CSE1L: variants seen among roughly 807,000 people sequenced by gnomAD.
The protein encoded by CSE1L is exportin-2.
Under a neutral mutation model 120.4 loss-of-function variants are expected in CSE1L, and 24 were observed. The ratio of observed to expected loss-of-function variants is 0.20; its 90% CI spans 0.14 to 0.28. The LOEUF (loss-of-function observed/expected upper bound fraction) is 0.28, where lower values mean the gene tolerates loss of function less well. CSE1L is among the 10% of genes least tolerant of loss of function. CSE1L has a pLI of 1.00. For missense variants in CSE1L, 830 were observed against 1,145.2 expected, an observed-to-expected ratio of 0.72 and a Z score of 3.97; for synonymous variants, 402 against 398.3, an observed-to-expected ratio of 1.01 and a Z score of -0.11.
At chr20:49,088,331 A>G (rs550912203) in intron 17 of CSE1L, among the ~76,000 whole-genome samples, 6 of 152,348 alleles carry the variant, frequency 3.9e-5, no homozygotes, top group Non-Finnish European at 7.3e-5. Flanking sequence ...TTTCATTCTC[A>G]TTACAAAAGT....
At chr20:49,085,562 ATTTTTTTTTTT>A (rs11471947) in intron 16 of CSE1L, among the ~76,000 whole-genome samples, 176 bp downstream of exon 16, 2 of 80,202 alleles carry the variant, frequency 2.5e-5, no homozygotes, top group Non-Finnish European at 4.8e-5. Flanking sequence ...ACTAACAATA[ATTTTTTTTTTT>A]TTTTTTTTTT....
chr20:49,094,679 A>C lies in CSE1L; in HGVS notation c.2595-53A>C. 3.9e-6 allele frequency: 5 copies of C among 1,276,102 alleles called. No individual in the cohort carries two copies. In the South Asian group the frequency reaches 6.2e-5, roughly 16 times the overall value. The allele number at this position is 1,276,102 out of a possible 1,614,324, so 79.0% of individuals were successfully genotyped here. A position where few individuals can be genotyped will look rare whatever the true frequency, so the allele number is the denominator to read the frequency against. On this transcript the variant is annotated intron_variant, in intron 23 of 24. Transcript: ENST00000262982. ...TGTCTCTGAGCAATTGCTGGTTTTA[A>C]GTCTTCCGAGTATTTTCTTGACCTT... is the stretch of plus-strand genomic sequence containing the variant.
chr20:49,094,689 G>A (rs746210594), intron 23 of CSE1L, 43 bp from the exon 24 acceptor site: 1 of 1,382,040 alleles, frequency 7.2e-7, no homozygotes, highest in South Asian at 1.2e-5. Flanking sequence ...AGTCTTCCGA[G>A]TATTTTCTTG....
intron 14 of CSE1L, among the ~76,000 whole-genome samples, chr20:49,080,449 A>G (rs2092003085): frequency 6.6e-6 from 1 of 152,010 alleles, no homozygotes; most frequent in African/African-American, 2.4e-5. Flanking sequence ...TACATTGTCA[A>G]CATTTTTTAA....
At chr20:49,061,909 T>C (rs1443952022) in intron 2 of CSE1L, among the ~76,000 whole-genome samples, 1 of 152,132 alleles carries the variant, frequency 6.6e-6, no homozygotes, top group Non-Finnish European at 1.5e-5. Context: ...GAACATAGCA[T>C]TTCTCAGGGA....
In CSE1L at chr20:49,058,543, G is replaced by T; in HGVS notation, c.80G>T (p.Arg27Leu). 1 of 1,612,636 alleles carries T rather than the reference G, an allele frequency of 6.2e-7. No homozygotes were observed. The highest frequency in any genetic ancestry group is 8.5e-7 in the Non-Finnish European group (1 of 1,179,082). Residue 27 changes from arginine to leucine, a missense_variant, in exon 2 of 25, where the codon CGT becomes CTT. By Grantham distance (102) the Arg-to-Leu change is moderately radical. Around this residue, in one of 4 missense-constraint regions of CSE1L, gnomAD observed 543 missense variants for 640.2 expected, o/e 0.85. Coordinates refer to ENST00000262982, the MANE Select transcript of CSE1L (RefSeq NM_001316.4). ...CTTGATCCTGATCCTGCCATCCGAC[G>T]TCCAGGTAAAGAAAATAAACGTTTT... ...KTLDPDPAIR[R>L]PAEKFLESVE...
rs781669566 is a variant in CSE1L at position 49,096,326 on chromosome 20, T to C, written c.2827-23T>C. 5.0e-6 allele frequency: 8 copies of C among 1,584,964 alleles called. No individual in the cohort carries two copies. In the South Asian group the frequency reaches 7.7e-5, roughly 15 times the overall value. ...GCGCACCAAGATCTCCAACAGCCAG[T>C]GTGTGTTTCCCATCTCTTGTAGGTT... On this transcript the variant is annotated intron_variant, in intron 24 of 24. Transcript: ENST00000262982.
intron 10 of CSE1L, among the ~76,000 whole-genome samples, chr20:49,072,919 A>G (rs1316769576): frequency 1.3e-5 from 2 of 152,236 alleles, no homozygotes; most frequent in Non-Finnish European, 2.9e-5. Flanking sequence ...ATTCCTTTAC[A>G]CTAAGAAGAT....
intron 10 of CSE1L, among the ~76,000 whole-genome samples, chr20:49,073,631 G>A (rs1407060173): frequency 1.3e-5 from 2 of 151,968 alleles, no homozygotes; most frequent in East Asian, 1.9e-4. Context: ...GACTACAGAC[G>A]TGCACCACCA....
chr20:49,071,603 G>T (rs962162260), intron 8 of CSE1L, among the ~76,000 whole-genome samples: 3 of 152,088 alleles, frequency 2.0e-5, no homozygotes, highest in African/African-American at 4.8e-5. Flanking sequence ...TCCCACCTCA[G>T]CCTCCCAAGT....
chr20:49,046,674 T>G (rs2091713426), intron 1 of CSE1L, among the ~76,000 whole-genome samples: 1 of 152,246 alleles, frequency 6.6e-6, no homozygotes, highest in African/African-American at 2.4e-5. Flanking sequence ...CTGTGAGGGC[T>G]GAGGGCAACT....
chr20:49,072,261 G>C, intron 8 of CSE1L, 25 bp from the exon 9 acceptor site: 1 of 1,610,302 alleles, frequency 6.2e-7, no homozygotes, highest in Non-Finnish European at 8.5e-7. Flanking sequence ...TTGTATGTTG[G>C]AGTTTTTGTT....
At chr20:49,086,359 C>CTTTTTTTTTTT (rs10648977) in intron 16 of CSE1L, among the ~76,000 whole-genome samples, 5 of 77,636 alleles carry the variant, frequency 6.4e-5, no homozygotes, top group African/African-American at 1.8e-4. Flanking sequence ...GTTTAATGTC[C>CTTTTTTTTTTT]TTTTTTTTTT....
intron 16 of CSE1L, among the ~76,000 whole-genome samples, chr20:49,087,389 G>A (rs755686548): frequency 1.8e-4 from 24 of 133,888 alleles, no homozygotes; most frequent in Non-Finnish European, 3.2e-4. Flanking sequence ...AGGGAGTCTC[G>A]CTCTGTCTCC....
intron 12 of CSE1L, 91 bp downstream of exon 12, chr20:49,075,611 T>G: frequency 1.0e-6 from 1 of 979,406 alleles, no homozygotes; most frequent in Non-Finnish European, 1.5e-6. Flanking sequence ...ATAATAGAGC[T>G]TACTCTGCCA....
intron 1 of CSE1L, among the ~76,000 whole-genome samples, chr20:49,051,450 G>A (rs1274277088): frequency 1.3e-5 from 2 of 152,214 alleles, no homozygotes; most frequent in African/African-American, 4.8e-5. Context: ...GGTTGAGGCA[G>A]GAGAATTGCT....
At chr20:49,057,481 T>C (rs900117887) in intron 1 of CSE1L, among the ~76,000 whole-genome samples, 2 of 144,178 alleles carry the variant, frequency 1.4e-5, no homozygotes, top group Non-Finnish European at 1.5e-5. Flanking sequence ...TTAAGACAGG[T>C]CTTGCTCCAT....
chr20:49,058,059 A>T (rs1422704734), intron 1 of CSE1L, among the ~76,000 whole-genome samples: 1 of 151,944 alleles, frequency 6.6e-6, no homozygotes, highest in African/African-American at 2.4e-5. Context: ...GGCCTGAGCC[A>T]CTGCCCGGGC....
Position 49,075,352 on chromosome 20 carries a change from G to T in CSE1L, c.1167G>T (p.Leu389=). The T allele has an allele frequency of 6.2e-7, 1 of 1,613,650 alleles. No homozygotes were observed. Among genetic ancestry groups the T allele is most frequent in the Middle Eastern group, 1.7e-4 (1 of 6,060 alleles). The change falls in exon 12 of 25, where the codon CTG becomes CTT. Residue 389 remains leucine (L), a synonymous_variant. Coordinates refer to ENST00000262982, the MANE Select transcript of CSE1L (RefSeq NM_001316.4). Reference sequence around the variant, plus strand: ...CTAGACGCAGGGCTGCTTGTGATCTGGTACGAGGATTATGCAAGTTTTTTG... The same window carrying T: ...CTAGACGCAGGGCTGCTTGTGATCTTGTACGAGGATTATGCAAGTTTTTTG... The part of the protein sequence containing the change: ...IDTRRRAACD[L]VRGLCKFFEG...
Sources: allele counts gnomAD v4.1 joint callset (sites outside exome capture counted in the v4.1 genomes callset), GRCh38; gene constraint gnomAD v4.1.1; regional missense constraint gnomAD v4.1.1; transcripts MANE v1.5; gene names NCBI Gene and HGNC (gene_info 2026-07-23, HGNC 2026-07-21).